The following FYCO1 variants were observed in gnomAD, a reference collection of about 807,000 sequenced individuals.
FYCO1 encodes FYVE and coiled-coil domain-containing protein 1.
A neutral mutation model predicts 165.1 loss-of-function variants in FYCO1; 122 were observed. The ratio of observed to expected loss-of-function variants is 0.74; its 90% CI spans 0.64 to 0.86. The LOEUF is 0.86. Ranked by LOEUF, FYCO1 falls within the 40% of genes least tolerant of loss-of-function variation. The pLI is 0.00. For missense variants in FYCO1, 1,702 were observed against 1,810.3 expected, an observed-to-expected ratio of 0.94 and a Z score of 1.09; for synonymous variants, 648 against 742.5, an observed-to-expected ratio of 0.87 and a Z score of 2.07.
At chr3:45,944,923 C>G (rs1043410481) in intron 14 of FYCO1, 2 of 152,200 alleles carry the variant, frequency 1.3e-5, no homozygotes, top group African/African-American at 4.8e-5. Context: ...ATCTGACCTA[C>G]TTAATACAGT....
intron 14 of FYCO1, among the ~76,000 whole-genome samples, chr3:45,936,901 T>C (rs564711580): frequency 6.6e-6 from 1 of 152,284 alleles, no homozygotes; most frequent in East Asian, 1.9e-4. Context: ...CACCACTGGG[T>C]CCTGCCTTCT....
At chr3:45,935,500 A>G (rs1703844561) in intron 15 of FYCO1, among the ~76,000 whole-genome samples, 1 of 152,152 alleles carries the variant, frequency 6.6e-6, no homozygotes, top group Non-Finnish European at 1.5e-5. Context: ...GCCCCTGAAC[A>G]TGTCAGGCAT....
intron 15 of FYCO1, among the ~76,000 whole-genome samples, chr3:45,931,792 T>C (rs1055952905): frequency 3.9e-5 from 6 of 152,322 alleles, no homozygotes; most frequent in Middle Eastern, 3.4e-3. Context: ...CTGGCGTCCA[T>C]TGTAAGATTC....
chr3:45,928,575 C>T (rs2125793964), intron 16 of FYCO1, among the ~76,000 whole-genome samples: 1 of 152,262 alleles, frequency 6.6e-6, no homozygotes, highest in African/African-American at 2.4e-5. Flanking sequence ...ACAGGTGCCC[C>T]TAGAAACGGG....
intron 4 of FYCO1, among the ~76,000 whole-genome samples, chr3:45,976,052 G>A (rs1706740379): frequency 6.6e-6 from 1 of 152,152 alleles, no homozygotes; most frequent in African/African-American, 2.4e-5. Flanking sequence ...GAATCAGAAG[G>A]AGCCCAGGGG....
chr3:45,925,848 C>T (rs1174595998), intron 16 of FYCO1, among the ~76,000 whole-genome samples: 6 of 152,146 alleles, frequency 3.9e-5, no homozygotes, highest in African/African-American at 1.4e-4. Context: ...GACAATTTAG[C>T]CAATGAGAAG....
rs201211480 is a variant in FYCO1 at position 45,959,491 on chromosome 3, C to T, written c.3489G>A (p.Lys1163=). ...QKSDALEFQQ[K]LSAEERWLGD... is the part of the protein sequence containing the mutation. The stretch of plus-strand genomic sequence containing the variant: ...CGAGCCATCTCTCCTCAGCACTGAG[C>T]TTCTGCTGGAATTCCAGGGCATCTG... Residue 1163 remains lysine, a synonymous_variant, in exon 12 of 18, where the codon AAG becomes AAA. Transcript: ENST00000296137. The T allele has an allele frequency of 8.7e-6, 14 of 1,614,154 alleles. No homozygotes were observed. Among genetic ancestry groups the T allele is most frequent in the Non-Finnish European group, 1.2e-5 (14 of 1,180,012 alleles).
intron 15 of FYCO1, among the ~76,000 whole-genome samples, chr3:45,932,764 G>A (rs1459082720): frequency 6.6e-6 from 1 of 152,160 alleles, no homozygotes; most frequent in Non-Finnish European, 1.5e-5. Context: ...ACCTTTGTGA[G>A]AATTCAATTC....
At chr3:45,946,542 G>A (rs144386806) in intron 14 of FYCO1, 15 of 1,614,106 alleles carry the variant, frequency 9.3e-6, no homozygotes, top group Non-Finnish European at 8.5e-6. Context: ...CAGCAGCCAG[G>A]AGGAGCATCA....
chr3:45,935,791 G>C (rs142560864), intron 15 of FYCO1, among the ~76,000 whole-genome samples: 66 of 152,310 alleles, frequency 4.3e-4, no homozygotes, highest in African/African-American at 1.6e-3. Context: ...CGAGGGGTCA[G>C]CCTTTCTTGG....
At chr3:45,987,459 G>C (rs969311730) in intron 1 of FYCO1, among the ~76,000 whole-genome samples, 1 of 152,200 alleles carries the variant, frequency 6.6e-6, no homozygotes, top group African/African-American at 2.4e-5. Context: ...TTGGGGAAGG[G>C]AGAAGTGGTA....
intron 16 of FYCO1, among the ~76,000 whole-genome samples, chr3:45,929,997 G>A (rs1703511773): frequency 6.6e-6 from 1 of 152,128 alleles, no homozygotes; most frequent in South Asian, 2.1e-4. Flanking sequence ...GCCCCTCGAG[G>A]GCACCCAGTG....
At chr3:45,958,713 C>T in intron 12 of FYCO1, 94 bp from the exon 13 acceptor site, 2 of 1,211,540 alleles carry the variant, frequency 1.7e-6, no homozygotes, top group Non-Finnish European at 2.4e-6. Flanking sequence ...TGCCATGTGA[C>T]TCTCATCAGA....
chr3:45,968,591 T>G lies in FYCO1; in HGVS notation c.743A>C (p.Gln248Pro). Residue 248 changes from glutamine to proline, a missense_variant, in exon 8 of 18, where the codon CAG becomes CCG. Physicochemically the swap from Gln to Pro is moderately conservative, Grantham distance 76 (BLOSUM62 -1). Transcript: ENST00000296137. Reference sequence around the variant, plus strand: ...CAGCTGCTGCATGCGCTCCCGTAGCTGCTTCTCCCGCACCTCCAACTGGTC... The same window carrying G: ...CAGCTGCTGCATGCGCTCCCGTAGCGGCTTCTCCCGCACCTCCAACTGGTC... The part of the protein sequence containing the change: ...ELDQLEVREK[Q>P]LRERMQQLDR... 1 of 1,614,030 alleles carries G rather than the reference T, an allele frequency of 6.2e-7. No homozygotes were observed. Among genetic ancestry groups the G allele is most frequent in the South Asian group, 1.1e-5 (1 of 91,082 alleles).
intron 16 of FYCO1, among the ~76,000 whole-genome samples, chr3:45,928,767 C>T (rs766223079): frequency 6.6e-6 from 1 of 152,080 alleles, no homozygotes; most frequent in Non-Finnish European, 1.5e-5. Flanking sequence ...CAGGGGTACC[C>T]ACAGTGCCCA....
chr3:45,968,485 A>C lies in FYCO1; in HGVS notation c.849T>G (p.Thr283=), dbSNP rs1489393915. The C allele has an allele frequency of 6.2e-7, 1 of 1,613,930 alleles. No individual in the cohort carries two copies. Among genetic ancestry groups the C allele is most frequent in the Non-Finnish European group, 8.5e-7 (1 of 1,180,050 alleles). Residue 283 remains threonine, a synonymous_variant, in exon 8 of 18, where the codon ACT becomes ACG. Coordinates refer to ENST00000296137, the MANE Select transcript of FYCO1 (RefSeq NM_024513.4). ...TGAGGCGAACGTTGTCCTCCGCTGC[A>C]GTGCGCCCCCTCTCCCTCTCTGTCT... The part of the protein sequence containing the change: ...QLQTERERGR[T]AAEDNVRLTC...
chr3:45,979,878 T>C (rs1371546923), intron 3 of FYCO1, 48 bp from the exon 4 acceptor site: 1 of 1,609,170 alleles, frequency 6.2e-7, no homozygotes. Context: ...CCACTGCTCT[T>C]CATTCCGGCA....
chr3:45,968,732 G>A (rs1706257915), intron 7 of FYCO1, 29 bp from the exon 8 acceptor site: 1 of 1,613,864 alleles, frequency 6.2e-7, no homozygotes, highest in African/African-American at 1.3e-5. Context: ...AAGACAAGTG[G>A]CTTTAGGATG....
chr3:45,954,725 C>T (rs1211809104), intron 14 of FYCO1, among the ~76,000 whole-genome samples: 1 of 152,164 alleles, frequency 6.6e-6, no homozygotes, highest in Non-Finnish European at 1.5e-5. Flanking sequence ...AGGGTGGGCC[C>T]TAATCCAATC....
Sources: gnomAD v4.1 joint callset for allele counts (sites outside exome capture counted in the v4.1 genomes callset) on GRCh38, gnomAD v4.1.1 for gene constraint, MANE v1.5 for transcripts, NCBI Gene and HGNC (gene_info 2026-07-23, HGNC 2026-07-21) for gene names.